The following SLC17A9 variants were observed in gnomAD, a reference collection of about 807,000 sequenced individuals.
SLC17A9 encodes the protein solute carrier family 17 member 9.
A neutral mutation model predicts 55.0 loss-of-function variants in SLC17A9; 49 were observed. That is an observed-to-expected ratio of 0.89 (90% confidence interval 0.71 to 1.13). SLC17A9 has a LOEUF of 1.13. Ranked by LOEUF, SLC17A9 falls within the 50% of genes most tolerant of loss-of-function variation. SLC17A9 has a pLI of 0.00. For synonymous variants in SLC17A9, 256 were observed against 247.4 expected (o/e 1.03, Z -0.32); for missense variants, 526 against 569.3 (o/e 0.92, Z 0.77).
intron 9 of SLC17A9, 129 bp downstream of exon 9, chr20:62,965,295 T>A: frequency 8.0e-7 from 1 of 1,246,554 alleles, no homozygotes; most frequent in South Asian, 1.2e-5. Context: ...TCTCCATGTG[T>A]CCAGCACTGG....
chr20:62,954,087 TAC>T (rs2065514735), intron 1 of SLC17A9, among the ~76,000 whole-genome samples: 1 of 151,436 alleles, frequency 6.6e-6, no homozygotes, highest in Non-Finnish European at 1.5e-5. Flanking sequence ...CAGCCTTCAC[TAC>T]GTCCCTCCCA....
rs2065599625 is a variant in SLC17A9, at chr20:62,962,728, T to G, written c.602T>G (p.Val201Gly). Residue 201 changes from valine (V) to glycine (G), a missense_variant, in exon 5 of 13, where the codon GTG (valine) becomes GGG (glycine). Val to Gly is a moderately radical substitution (Grantham distance 109, BLOSUM62 -3). Transcript: ENST00000370351. This position sits in a 1 kb window ranked among gnomAD's most constrained non-coding sequence, Gnocchi z 5.5. ...CTCACCTTGCTTTGGGTGTGGTACG[T>G]GTACAGGTACCTGCTGAGTGAAAAA... ...GGLTLLWVWY[V>G]YRYLLSEKDL... 4.3e-6 allele frequency: 7 copies of G among 1,614,004 alleles called. No individual in the cohort carries two copies. The highest frequency in any genetic ancestry group is 5.9e-6 in the Non-Finnish European group (7 of 1,179,902).
chr20:62,960,627 C>T (rs998583105), intron 4 of SLC17A9, 24 bp downstream of exon 4: 17 of 1,595,968 alleles, frequency 1.1e-5, no homozygotes, highest in Middle Eastern at 3.5e-4. Context: ...TAAGACGGGG[C>T]CCAGGAGAGG....
At position 62,967,866 on chromosome 20, in the gene SLC17A9, G is replaced by A. The variant is rs754424540; in HGVS notation, c.*366G>A. On this transcript the variant is annotated 3_prime_UTR_variant, in exon 13 of 13. Transcript: ENST00000370351. ...TCCCGCCAAACCTCCCTCGGTCGCC[G>A]TGTTCTCCGCAAGCCTCCTGCAGCG... The A allele has an allele frequency of 2.0e-4, 37 of 180,516 alleles. No homozygotes were observed. Among genetic ancestry groups the A allele is most frequent in the African/African-American group, 8.5e-4 (36 of 42,262 alleles). 11.2% of individuals were successfully genotyped at this position (180,516 alleles called of 1,614,324 possible). A position where few individuals can be genotyped will look rare whatever the true frequency, so the allele number is the denominator to read the frequency against.
chr20:62,965,220 C>T, intron 9 of SLC17A9, 54 bp downstream of exon 9: 1 of 1,608,572 alleles, frequency 6.2e-7, no homozygotes, highest in Non-Finnish European at 8.5e-7. Context: ...TGTTCAGGGT[C>T]TCCCAGGAAC....
chr20:62,963,118 A>C, intron 5 of SLC17A9, 155 bp from the exon 6 acceptor site: 1 of 758,182 alleles, frequency 1.3e-6, no homozygotes, highest in Middle Eastern at 2.3e-4. Context: ...GGTGTCTGGT[A>C]GGGGAGGCCA....
intron 11 of SLC17A9, 58 bp from the exon 12 acceptor site, chr20:62,966,645 G>A (rs371579899): frequency 1.2e-5 from 19 of 1,613,622 alleles, no homozygotes; most frequent in Non-Finnish European, 1.6e-5. Flanking sequence ...AGCCATGGGG[G>A]ATCCCGGAGG....
chr20:62,963,942 C>A, intron 7 of SLC17A9: 1 of 595,726 alleles, frequency 1.7e-6, no homozygotes. Context: ...CTCATCGTGA[C>A]CTGCTGGCCC....
intron 2 of SLC17A9, chr20:62,957,235 C>T (rs1263571736): frequency 6.4e-5 from 63 of 985,250 alleles, no homozygotes; most frequent in Non-Finnish European, 7.4e-5. Flanking sequence ...TGGCAAGGCC[C>T]CAGGGCCCTG....
Position 62,959,529 on chromosome 20 carries a change from C to T in SLC17A9, c.398-975C>T, listed in dbSNP as rs139596766. On this transcript the variant is annotated intron_variant, in intron 3 of 12. Transcript: ENST00000370351. ...TTGCCGTGTTTGTGCACGCTGTCTTCGGGCAGAGCAGAGACGCCAGGTGTC... is the reference window on the plus strand; with the variant it reads ...TTGCCGTGTTTGTGCACGCTGTCTTTGGGCAGAGCAGAGACGCCAGGTGTC... 8.9e-3 allele frequency among the ~76,000 whole-genome samples: 1,355 copies of T among 152,320 alleles called. 24 individuals are homozygous for T. The highest frequency in any genetic ancestry group is 0.031 in the African/African-American group (1,285 of 41,578).
At position 62,965,169 on chromosome 20, in the gene SLC17A9, A is replaced by G. The variant is rs1354119891; in HGVS notation, c.945+3A>G. The G allele has an allele frequency of 1.9e-6, 3 of 1,614,126 alleles. No homozygotes were observed. The highest frequency in any genetic ancestry group is 1.7e-6 in the Non-Finnish European group (2 of 1,180,008). On this transcript the variant is annotated splice_donor_region_variant and intron_variant, in intron 9 of 12. Coordinates refer to ENST00000370351, the MANE Select transcript of SLC17A9 (RefSeq NM_022082.4). The stretch of plus-strand genomic sequence containing the variant: ...TCACGGTGCGGAAGCTCATGCAGGT[A>G]GGAGAATCATTCCGGTCGTTCTCTC...
intron 12 of SLC17A9, chr20:62,967,010 G>A (rs1476943531): frequency 1.8e-5 from 10 of 570,242 alleles, no homozygotes; most frequent in Non-Finnish European, 3.1e-5. Context: ...TCCTGGCCCC[G>A]CTGAGTGCCA....
intron 3 of SLC17A9, among the ~76,000 whole-genome samples, chr20:62,957,865 A>AGG (rs1242544755): frequency 5.4e-5 from 4 of 73,440 alleles, no homozygotes; most frequent in East Asian, 1.8e-3. Flanking sequence ...GTGCGTGTGC[A>AGG]AGTGTGTGTA....
intron 1 of SLC17A9, among the ~76,000 whole-genome samples, chr20:62,953,654 G>C (rs1219670088): frequency 6.6e-6 from 1 of 152,240 alleles, no homozygotes; most frequent in Non-Finnish European, 1.5e-5. Flanking sequence ...GCAGTCTCCT[G>C]CCTGCACTGA....
chr20:62,963,914 G>T (rs373949323), intron 7 of SLC17A9: 15 of 597,458 alleles, frequency 2.5e-5, no homozygotes, highest in African/African-American at 2.2e-4. Context: ...TCCTGCTGCG[G>T]CTGCAGCCCT....
chr20:62,955,913 A>G (rs1028309012), intron 1 of SLC17A9, among the ~76,000 whole-genome samples: 1 of 152,232 alleles, frequency 6.6e-6, no homozygotes, highest in Non-Finnish European at 1.5e-5. Flanking sequence ...CCTGGCTGCA[A>G]ATGACGCTGG....
rs114626579 is a variant in SLC17A9, at chr20:62,956,895, A to T, written c.190A>T (p.Ile64Phe). The T allele has an allele frequency of 2.1e-4, 332 of 1,613,660 alleles. No homozygotes were observed. In the African/African-American group the frequency reaches 4.1e-3, roughly 20 times the overall value. The change falls in exon 2 of 13, where the codon ATC (isoleucine) becomes TTC (phenylalanine). Residue 64 changes from isoleucine (I) to phenylalanine (F), a missense_variant. Ile to Phe is a conservative substitution (Grantham distance 21). Coordinates refer to ENST00000370351, the MANE Select transcript of SLC17A9 (RefSeq NM_022082.4). ...DFGWNKKEAG[I>F]VLSSFFWGYC... Reference sequence around the variant, plus strand: ...CGGCTGGAACAAGAAGGAGGCCGGCATCGTGCTCAGCAGCTTCTTCTGGGG... The same window carrying T: ...CGGCTGGAACAAGAAGGAGGCCGGCTTCGTGCTCAGCAGCTTCTTCTGGGG...
In SLC17A9 at chr20:62,967,158, C is replaced by T. The variant is rs984406721; in HGVS notation, c.1148-179C>T. The T allele has an allele frequency of 2.2e-5, 16 of 712,894 alleles. 1 individual carries two copies. Among genetic ancestry groups the T allele is most frequent in the African/African-American group, 1.9e-4 (11 of 56,440 alleles). The allele number at this position is 712,894 out of a possible 1,614,324, so 44.2% of individuals were successfully genotyped here. A position where few individuals can be genotyped will look rare whatever the true frequency, so the allele number is the denominator to read the frequency against. Reference sequence around the variant, plus strand: ...TGTGAGATCTCTGCCCCTCCAAGACCCTCCAAGTCTGAGCCTGACCCACAG... The same window carrying T: ...TGTGAGATCTCTGCCCCTCCAAGACTCTCCAAGTCTGAGCCTGACCCACAG... On this transcript the variant is annotated intron_variant, in intron 12 of 12. Transcript: ENST00000370351.
chr20:62,963,080 C>G, intron 5 of SLC17A9, 193 bp from the exon 6 acceptor site: 1 of 669,008 alleles, frequency 1.5e-6, no homozygotes, highest in Non-Finnish European at 2.6e-6. Flanking sequence ...GTTCAGAACG[C>G]GGTTCTCAAA....
Sources: gnomAD v4.1 joint callset for allele counts (sites outside exome capture counted in the v4.1 genomes callset) on GRCh38, gnomAD v4.1.1 for gene constraint, Gnocchi (gnomAD v3.1) non-coding constraint, MANE v1.5 for transcripts, NCBI Gene and HGNC (gene_info 2026-07-23, HGNC 2026-07-21) for gene names.